ZNF695: variants seen among roughly 807,000 people sequenced by gnomAD.
ZNF695 encodes zinc finger protein SBZF3.
ZNF695 carries 11 observed loss-of-function variants against 11.2 expected under a neutral mutation model. That is an observed-to-expected ratio of 0.98 (90% CI 0.62 to 1.62). The LOEUF is 1.62. ZNF695 is among the 40% of genes most tolerant of loss of function. The pLI is 0.00. For synonymous variants in ZNF695, 190 were observed against 201.4 expected, an observed-to-expected ratio of 0.94 and a Z score of 0.48; for missense variants, 559 against 590.5, an observed-to-expected ratio of 0.95 and a Z score of 0.55.
At chr1:246,989,334 A>G (rs1668957200) in intron 3 of ZNF695, among the ~76,000 whole-genome samples, 1 of 152,242 alleles carries the variant, frequency 6.6e-6, no homozygotes, top group Non-Finnish European at 1.5e-5. Flanking sequence ...ACATAGTACA[A>G]TAAGAAACAG....
rs1195148772 is a variant in ZNF695, at chr1:246,986,586, GT to G, written c.*380del. On this transcript the variant is annotated 3_prime_UTR_variant, in exon 4 of 4. Transcript: ENST00000339986. ...TCACATTTACTGCATCTGTAAAACA[GT>G]TTTTAGTGTGAACACTCTGGTGTTT... 1.0e-6 allele frequency: 1 copy of G among 1,003,232 alleles called. No individual in the cohort carries two copies. The highest frequency in any genetic ancestry group is 1.2e-6 in the Non-Finnish European group (1 of 841,972). The allele number at this position is 1,003,232 out of a possible 1,614,324, so 62.1% of individuals were successfully genotyped here.
intron 5 of ZNF695, among the ~76,000 whole-genome samples, chr1:246,965,916 A>G (rs946652680): frequency 6.6e-6 from 1 of 151,568 alleles, no homozygotes; most frequent in African/African-American, 2.4e-5. Context: ...TAAGCAAGAG[A>G]AAACTAACCC....
chr1:246,973,656 G>A (rs1668485065), intron 4 of ZNF695, among the ~76,000 whole-genome samples: 1 of 152,116 alleles, frequency 6.6e-6, no homozygotes, highest in Non-Finnish European at 1.5e-5. Flanking sequence ...AAAATTACAG[G>A]CATTTTGCCC....
chr1:246,963,194 C>T (rs1191451916), intron 5 of ZNF695, among the ~76,000 whole-genome samples: 2 of 152,176 alleles, frequency 1.3e-5, no homozygotes, highest in East Asian at 3.8e-4. Flanking sequence ...AACTAGCTCA[C>T]CCCTGCCACT....
At chr1:246,949,147 GA>G (rs1667810308) in intron 5 of ZNF695, among the ~76,000 whole-genome samples, 1 of 152,154 alleles carries the variant, frequency 6.6e-6, no homozygotes, top group Non-Finnish European at 1.5e-5. Flanking sequence ...TAATGAAACA[GA>G]AGGACCCTGC....
At chr1:246,948,510 AC>A (rs1181015796) in intron 5 of ZNF695, among the ~76,000 whole-genome samples, 2 of 152,186 alleles carry the variant, frequency 1.3e-5, no homozygotes, top group Admixed American at 6.5e-5. Flanking sequence ...AACTTGGCTG[AC>A]TTTTTTTCCA....
chr1:246,949,126 A>G (rs1295904861), intron 5 of ZNF695, among the ~76,000 whole-genome samples: 2 of 152,240 alleles, frequency 1.3e-5, no homozygotes, highest in Admixed American at 1.3e-4. Flanking sequence ...GAAAAGAATT[A>G]AAGATTGGAG....
chr1:246,999,407 C>T lies in ZNF695; in HGVS notation c.200G>A (p.Cys67Tyr). Residue 67 changes from cysteine (C) to tyrosine (Y), a missense_variant, in exon 3 of 4, where the codon TGT (cysteine) becomes TAT (tyrosine). Cys to Tyr is a radical substitution (Grantham distance 194). Coordinates refer to ENST00000339986, the MANE Select transcript of ZNF695 (RefSeq NM_020394.5). ...CCAGGGCTCTTTCCTTGCCTCCAGA[C>T]AGATGATCAGTTCTGGCTTAGACAT... ...LAMSKPELII[C>Y]LEARKEPWNV... 1 of 1,614,058 alleles carries T rather than the reference C, an allele frequency of 6.2e-7. No homozygotes were observed.
In ZNF695 at chr1:247,007,951, G is replaced by A; in HGVS notation, c.-43C>T. On this transcript the variant is annotated 5_prime_UTR_variant, in exon 1 of 4. Coordinates refer to ENST00000339986, the MANE Select transcript of ZNF695 (RefSeq NM_020394.5). ...TCCCAGCGTCCTCCCTATAAATCTC[G>A]CAATACCTGCAGGCCACAGGGCGAT... 3 of 1,481,786 alleles carry A rather than the reference G, an allele frequency of 2.0e-6. No homozygotes were observed. The highest frequency in any genetic ancestry group is 2.0e-5 in the Admixed American group (1 of 50,494). 91.8% of individuals were successfully genotyped at this position (1,481,786 alleles called of 1,614,324 possible).
At chr1:246,978,634 T>C (rs906247501) in intron 4 of ZNF695, among the ~76,000 whole-genome samples, 1 of 152,216 alleles carries the variant, frequency 6.6e-6, no homozygotes, top group Non-Finnish European at 1.5e-5. Flanking sequence ...AGCTCTAAAG[T>C]TACCACATGT....
downstream of ZNF695, among the ~76,000 whole-genome samples, chr1:246,983,156 A>C (rs936024933): frequency 1.1e-3 from 160 of 151,114 alleles, 2 homozygotes; most frequent in Non-Finnish European, 1.1e-3. Flanking sequence ...GTGAGCCGTG[A>C]TCGCGCCACT....
chr1:246,986,783 A>C lies in ZNF695; in HGVS notation c.*184T>G. On this transcript the variant is annotated 3_prime_UTR_variant, in exon 4 of 4. Transcript: ENST00000339986. ...AGCTGTGATATAAGTGGAGGTGTTGAACCGGTCTATTTGTATTGTTCGTAG... is the reference window on the plus strand; with the variant it reads ...AGCTGTGATATAAGTGGAGGTGTTGCACCGGTCTATTTGTATTGTTCGTAG... 7.4e-7 allele frequency: 1 copy of C among 1,355,198 alleles called. No individual in the cohort carries two copies. Among genetic ancestry groups the C allele is most frequent in the Non-Finnish European group, 9.4e-7 (1 of 1,060,228 alleles). The allele number at this position is 1,355,198 out of a possible 1,614,324, so 83.9% of individuals were successfully genotyped here. A position where few individuals can be genotyped will look rare whatever the true frequency, so the allele number is the denominator to read the frequency against.
chr1:247,001,360 A>G (rs1669375173), intron 1 of ZNF695, among the ~76,000 whole-genome samples: 1 of 152,008 alleles, frequency 6.6e-6, no homozygotes, highest in Admixed American at 6.6e-5. Flanking sequence ...CTAGGATTTC[A>G]AGACCAGCCT....
chr1:246,978,779 C>T (rs991380045), intron 4 of ZNF695, among the ~76,000 whole-genome samples: 5 of 152,320 alleles, frequency 3.3e-5, no homozygotes, highest in Middle Eastern at 3.4e-3. Flanking sequence ...GCCTCTCCTT[C>T]ATGTTACTCA....
At chr1:246,995,294 C>T (rs1202536175) in intron 3 of ZNF695, among the ~76,000 whole-genome samples, 7 of 152,098 alleles carry the variant, frequency 4.6e-5, no homozygotes, top group Non-Finnish European at 7.4e-5. Context: ...CACAAATATA[C>T]GGAAGTTCAA....
At chr1:246,971,432 G>T (rs1227490337) in intron 4 of ZNF695, among the ~76,000 whole-genome samples, 2 of 152,156 alleles carry the variant, frequency 1.3e-5, no homozygotes, top group African/African-American at 2.4e-5. Context: ...CCTTCCACAA[G>T]AGGTGGTGGA....
At chr1:246,971,416 G>A (rs1284679871) in intron 4 of ZNF695, among the ~76,000 whole-genome samples, 1 of 152,184 alleles carries the variant, frequency 6.6e-6, no homozygotes, top group African/African-American at 2.4e-5. Context: ...CCTGACTGAT[G>A]TCAGGCCTTC....
chr1:246,971,437 G>A (rs1230378695), intron 4 of ZNF695, among the ~76,000 whole-genome samples: 2 of 152,130 alleles, frequency 1.3e-5, no homozygotes, highest in Non-Finnish European at 2.9e-5. Flanking sequence ...CACAAGAGGT[G>A]GTGGAGCAGA....
intron 5 of ZNF695, among the ~76,000 whole-genome samples, chr1:246,967,034 G>A (rs2103009408): frequency 6.6e-6 from 1 of 152,286 alleles, no homozygotes; most frequent in South Asian, 2.1e-4. Context: ...CGCCTCCCAG[G>A]TTCAAGGAAT....
Sources: gnomAD v4.1 joint callset for allele counts (sites outside exome capture counted in the v4.1 genomes callset) on GRCh38, gnomAD v4.1.1 for gene constraint, MANE v1.5 for transcripts, NCBI Gene and HGNC (gene_info 2026-07-23, HGNC 2026-07-21) for gene names.